NXPE1: variants seen among roughly 807,000 people sequenced by gnomAD.
NXPE1 encodes neurexophilin and PC-esterase domain family member 1.
In NXPE1, 31 loss-of-function variants were observed where a neutral mutation model predicts 33.3. The ratio of observed to expected loss-of-function variants is 0.93; its 90% CI spans 0.70 to 1.26. The LOEUF is 1.26. Among genes scored for constraint, NXPE1 ranks in the 50% most tolerant of loss-of-function variants. NXPE1 has a pLI of 0.00. For missense variants in NXPE1, 661 were observed against 655.6 expected (o/e 1.01, Z -0.09); for synonymous variants, 229 against 231.4 (o/e 0.99, Z 0.09).
exon 9 of NXPE1, chr11:114,522,296 C>T: frequency 2.5e-6 from 4 of 1,614,030 alleles, no homozygotes; most frequent in Middle Eastern, 1.7e-4. Context: ...AAAGTGCTGG[C>T]CAAAGGTGAT....
chr11:114,552,381 A>C (rs1392960936), intron 2 of NXPE1, among the ~76,000 whole-genome samples: 2 of 152,170 alleles, frequency 1.3e-5, no homozygotes, highest in Non-Finnish European at 2.9e-5. Context: ...TTGATTTCCA[A>C]AAGACTGTCA....
intron 5 of NXPE1, among the ~76,000 whole-genome samples, chr11:114,539,723 G>A (rs1948010228): frequency 6.6e-6 from 1 of 152,054 alleles, no homozygotes; most frequent in African/African-American, 2.4e-5. Context: ...ACTAGCCCTA[G>A]TGTAAATTAT....
intron 1 of NXPE1, among the ~76,000 whole-genome samples, chr11:114,559,151 C>T (rs1373037052): frequency 1.3e-5 from 2 of 152,110 alleles, no homozygotes; most frequent in African/African-American, 4.8e-5. Flanking sequence ...CACACATACT[C>T]AAAGACAAAA....
chr11:114,550,707 G>T (rs1404784462), intron 5 of NXPE1, among the ~76,000 whole-genome samples: 1 of 152,062 alleles, frequency 6.6e-6, no homozygotes, highest in African/African-American at 2.4e-5. Flanking sequence ...CATGTTATAA[G>T]GGAAACAGTA....
chr11:114,538,075 A>T (rs1947913637), intron 5 of NXPE1, among the ~76,000 whole-genome samples: 1 of 152,192 alleles, frequency 6.6e-6, no homozygotes, highest in Non-Finnish European at 1.5e-5. Context: ...TGGTACCAAA[A>T]CAGAGATGTA....
intron 1 of NXPE1, chr11:114,554,221 G>A (rs530145622): frequency 8.2e-6 from 8 of 977,622 alleles, no homozygotes; most frequent in East Asian, 1.1e-4. Flanking sequence ...TGTGTTAGCC[G>A]AGATACACAA....
intron 5 of NXPE1, 98 bp downstream of exon 5, chr11:114,551,005 G>A: frequency 3.1e-6 from 2 of 651,948 alleles, no homozygotes; most frequent in Non-Finnish European, 5.4e-6. Context: ...TTGAGGTGGG[G>A]GAGGAGGGGC....
At chr11:114,522,639 TACCCCCA>T (rs1947249903) in intron 8 of NXPE1, 136 bp from the exon 9 acceptor site, 2 of 767,338 alleles carry the variant, frequency 2.6e-6, no homozygotes, top group Non-Finnish European at 2.0e-6. Flanking sequence ...TAGGGTACAG[TACCCCCA>T]GTTCATACAT....
chr11:114,522,072 T>C, exon 9 of NXPE1: 1 of 1,614,084 alleles, frequency 6.2e-7, no homozygotes, highest in Non-Finnish European at 8.5e-7. Context: ...CAGGCATCAA[T>C]GATGCCCACG....
intron 5 of NXPE1, among the ~76,000 whole-genome samples, chr11:114,541,444 C>T (rs745809707): frequency 6.6e-6 from 1 of 151,984 alleles, no homozygotes; most frequent in Non-Finnish European, 1.5e-5. Flanking sequence ...TTAGAAATGT[C>T]GATGAAAAGA....
In NXPE1 at chr11:114,523,143, A is replaced by G. The variant is rs375564863; in HGVS notation, c.896-52T>C. Reference sequence around the variant, plus strand: ...TTTTATTGGCAAAACTTAGACATCTAGCCTTCTTTCCTGGTCTTTCATTTT... The same window carrying G: ...TTTTATTGGCAAAACTTAGACATCTGGCCTTCTTTCCTGGTCTTTCATTTT... On this transcript the variant is annotated intron_variant, in intron 7 of 8. Transcript: ENST00000534921. The G allele has an allele frequency of 3.2e-4, 421 of 1,321,658 alleles. 1 individual carries two copies. The African/African-American group carries it at 4.7e-3, about 15-fold the overall frequency. 81.9% of individuals were successfully genotyped at this position (1,321,658 alleles called of 1,614,324 possible). A position where few individuals can be genotyped will look rare whatever the true frequency, so the allele number is the denominator to read the frequency against.
In NXPE1 at chr11:114,521,874, C is replaced by G; in HGVS notation, c.*94G>C. On this transcript the variant is annotated 3_prime_UTR_variant, in exon 9 of 9. Coordinates refer to ENST00000534921, the Ensembl canonical transcript of NXPE1. ...AAACAGATTCTTTTAAATTTATTTT[C>G]CTTAGTTCCTAAAATGAGTAAAACT... is the stretch of plus-strand genomic sequence containing the variant. 4.2e-6 allele frequency: 4 copies of G among 962,112 alleles called. No homozygotes were observed. The South Asian group carries it at 6.7e-5, about 16-fold the overall frequency. 59.6% of individuals were successfully genotyped at this position (962,112 alleles called of 1,614,324 possible).
At chr11:114,527,980 A>T (rs2134940586) in intron 6 of NXPE1, 79 bp from the exon 7 acceptor site, 2 of 1,082,744 alleles carry the variant, frequency 1.8e-6, no homozygotes, top group Middle Eastern at 4.1e-4. Flanking sequence ...TTGTGAGTGA[A>T]GGAAAATTTT....
At chr11:114,534,690 G>A (rs1033804828) in intron 5 of NXPE1, among the ~76,000 whole-genome samples, 2 of 152,106 alleles carry the variant, frequency 1.3e-5, no homozygotes, top group Admixed American at 6.5e-5. Context: ...TATCAGTGAT[G>A]GAAGACGAAA....
intron 5 of NXPE1, among the ~76,000 whole-genome samples, chr11:114,540,552 G>A (rs1948053587): frequency 6.6e-6 from 1 of 152,174 alleles, no homozygotes; most frequent in Non-Finnish European, 1.5e-5. Context: ...AGAGGAAGGA[G>A]AGTATGGATG....
intron 5 of NXPE1, among the ~76,000 whole-genome samples, chr11:114,542,866 A>G (rs1948148234): frequency 6.6e-6 from 1 of 152,232 alleles, no homozygotes; most frequent in African/African-American, 2.4e-5. Flanking sequence ...TGAAGACATG[A>G]ATATATATGA....
chr11:114,550,840 T>C (rs530403554), intron 5 of NXPE1, among the ~76,000 whole-genome samples: 1 of 152,294 alleles, frequency 6.6e-6, no homozygotes, highest in African/African-American at 2.4e-5. Context: ...GATGAGGAAG[T>C]TGGTAGCTTT....
chr11:114,558,957 T>A (rs1302799420), intron 1 of NXPE1, among the ~76,000 whole-genome samples: 2 of 152,160 alleles, frequency 1.3e-5, no homozygotes, highest in African/African-American at 4.8e-5. Context: ...ATGAAATGGT[T>A]AAGAAACATG....
At chr11:114,529,350 C>G (rs567954831) in intron 6 of NXPE1, 1 of 152,464 alleles carries the variant, frequency 6.6e-6, no homozygotes, top group East Asian at 1.9e-4. Flanking sequence ...TTTGTGATAA[C>G]AGATAGTTAT....
Sources: gnomAD v4.1 joint callset for allele counts (sites outside exome capture counted in the v4.1 genomes callset) on GRCh38, gnomAD v4.1.1 for gene constraint, MANE v1.5 for transcripts, NCBI Gene and HGNC (gene_info 2026-07-23, HGNC 2026-07-21) for gene names.